Variants in PRKN observed in about 807,000 individuals in gnomAD.
PRKN encodes parkin RBR E3 ubiquitin protein ligase, also known as E3 ubiquitin-protein ligase parkin.
Under a neutral mutation model 59.5 loss-of-function variants are expected in PRKN, and 56 were observed. The observed-to-expected ratio is 0.94, with a 90% CI of 0.76 to 1.18. The LOEUF is 1.18. Among genes scored for constraint, PRKN ranks in the 50% most tolerant of loss-of-function variants. The probability of loss-of-function intolerance (pLI) is 0.00; values close to 1 mark genes in which losing one functional copy is unlikely to be tolerated. For synonymous variants in PRKN, 250 were observed against 222.1 expected (o/e 1.13, Z -1.12); for missense variants, 657 against 596.4 (o/e 1.10, Z -1.06).
At position 162,536,281 on chromosome 6, in the gene PRKN, A is replaced by G. The variant is rs529459551; in HGVS notation, c.8-92808T>C. On this transcript the variant is annotated intron_variant, in intron 1 of 11. Coordinates refer to ENST00000366898, the MANE Select transcript of PRKN (RefSeq NM_004562.3). ...GTTGAAAATCTGTGTTTCTGGATGCATAAAAATGACAAGCAGAAGGTGTTA... is the reference window on the plus strand; with the variant it reads ...GTTGAAAATCTGTGTTTCTGGATGCGTAAAAATGACAAGCAGAAGGTGTTA... Among the ~76,000 whole-genome samples the G allele has an allele frequency of 3.9e-5, 6 of 152,266 alleles. No individual in the cohort carries two copies. The East Asian group carries it at 1.2e-3, about 30-fold the overall frequency.
At chr6:162,615,999 T>C (rs1782392864) in intron 1 of PRKN, among the ~76,000 whole-genome samples, 1 of 152,208 alleles carries the variant, frequency 6.6e-6, no homozygotes, top group Non-Finnish European at 1.5e-5. Context: ...ATTGCCAATT[T>C]GGAAGTAAAA....
At chr6:161,681,883 C>T (rs2128172756) in intron 7 of PRKN, among the ~76,000 whole-genome samples, 1 of 152,352 alleles carries the variant, frequency 6.6e-6, no homozygotes, top group Middle Eastern at 3.4e-3. Context: ...GCCCTTTGTA[C>T]CTGTGCAGAG....
chr6:162,643,734 G>T (rs1001546636), intron 1 of PRKN: 1 of 152,010 alleles, frequency 6.6e-6, no homozygotes, highest in Non-Finnish European at 1.5e-5. Flanking sequence ...AATATACAAT[G>T]TATTTTTATC....
chr6:161,845,984 G>A (rs1282139902), intron 6 of PRKN, among the ~76,000 whole-genome samples: 4 of 152,184 alleles, frequency 2.6e-5, no homozygotes, highest in African/African-American at 9.6e-5. Flanking sequence ...AGAGGAAAAC[G>A]GGGAGAGATT....
chr6:162,449,674 ATTCT>A (rs1208140884), intron 1 of PRKN, among the ~76,000 whole-genome samples: 1 of 152,104 alleles, frequency 6.6e-6, no homozygotes, highest in African/African-American at 2.4e-5. Context: ...TTGTTTCATA[ATTCT>A]TTATTTCTGT....
chr6:162,034,198 G>T (rs1022158551), intron 5 of PRKN, among the ~76,000 whole-genome samples: 53 of 150,964 alleles, frequency 3.5e-4, no homozygotes, highest in East Asian at 9.8e-4. Context: ...GAGAGAGAGA[G>T]AGAGAGAGAG....
intron 1 of PRKN, among the ~76,000 whole-genome samples, chr6:162,595,148 T>C (rs1480756525): frequency 1.3e-5 from 2 of 152,162 alleles, no homozygotes; most frequent in South Asian, 2.1e-4. Context: ...CACTCCAGCC[T>C]GGGTAACAGA....
intron 1 of PRKN, among the ~76,000 whole-genome samples, chr6:162,598,854 A>AG (rs1196338645): frequency 4.0e-4 from 9 of 22,490 alleles, no homozygotes; most frequent in Admixed American, 3.1e-3. Context: ...TTCTGTCACC[A>AG]AAAAAAAAAA....
chr6:161,417,824 TC>T lies in PRKN; in HGVS notation c.1084-30948del, dbSNP rs1343447901. ...TTTGTAAATCAACAGTGTCTAATAA[TC>T]CCCCAAGGACAGGGCCCTAGGCAAA... is the stretch of plus-strand genomic sequence containing the variant. On this transcript the variant is annotated intron_variant, in intron 9 of 11. Transcript: ENST00000366898. The surrounding 1 kb of genome is among the most constrained non-coding windows in gnomAD (Gnocchi z 5.4). Among the ~76,000 whole-genome samples, 1 of 152,088 alleles carries T rather than the reference TC, an allele frequency of 6.6e-6. No homozygotes were observed. The highest frequency in any genetic ancestry group is 1.9e-4 in the East Asian group (1 of 5,180).
chr6:162,627,677 T>C (rs1288819813), intron 1 of PRKN, among the ~76,000 whole-genome samples: 3 of 152,082 alleles, frequency 2.0e-5, no homozygotes, highest in Non-Finnish European at 2.9e-5. Flanking sequence ...CCATACACAA[T>C]GGTGTGGCGA....
At chr6:161,513,459 C>G (rs370028659) in intron 9 of PRKN, among the ~76,000 whole-genome samples, 986 of 65,538 alleles carry the variant, frequency 0.015, 12 homozygotes, top group African/African-American at 0.061. Flanking sequence ...CCAGGATGGT[C>G]TCGATCTCCT....
chr6:161,524,288 C>T lies in PRKN; in HGVS notation c.1083+24566G>A, dbSNP rs529046372. Among the ~76,000 whole-genome samples, 20 of 152,156 alleles carry T rather than the reference C, an allele frequency of 1.3e-4. 1 individual carries two copies. In the South Asian group the frequency reaches 4.2e-3, roughly 32 times the overall value. On this transcript the variant is annotated intron_variant, in intron 9 of 11. Transcript: ENST00000366898. ...GCAGAAGTGCTCTGAATGAAATGCT[C>T]CCAAATAGAAAAAAATTGTTTTGTG...
chr6:162,568,529 C>G (rs1041723642), intron 1 of PRKN: 7 of 740,222 alleles, frequency 9.5e-6, no homozygotes, highest in African/African-American at 5.2e-5. Flanking sequence ...TGCTGAGCCT[C>G]CTTAACCTGG....
At chr6:162,445,934 C>T (rs1790297506) in intron 1 of PRKN, among the ~76,000 whole-genome samples, 1 of 151,914 alleles carries the variant, frequency 6.6e-6, no homozygotes, top group African/African-American at 2.4e-5. Flanking sequence ...GTCCAGATGG[C>T]ACCACAAGAA....
At position 162,377,797 on chromosome 6, in the gene PRKN, C is replaced by T. The variant is rs147311171; in HGVS notation, c.171+65513G>A. Among the ~76,000 whole-genome samples the T allele has an allele frequency of 5.8e-3, 879 of 152,274 alleles. 5 individuals carry two copies. The highest frequency in any genetic ancestry group is 8.6e-3 in the Non-Finnish European group (585 of 68,018). On this transcript the variant is annotated intron_variant, in intron 2 of 11. Coordinates refer to ENST00000366898, the MANE Select transcript of PRKN (RefSeq NM_004562.3). ...GAGATTAGCAACCCAAAGCAATACCCCAGCAGGTATTAGAGTTGACCATTG... is the reference window on the plus strand; with the variant it reads ...GAGATTAGCAACCCAAAGCAATACCTCAGCAGGTATTAGAGTTGACCATTG...
intron 3 of PRKN, among the ~76,000 whole-genome samples, chr6:162,252,072 A>T (rs1346629685): frequency 2.0e-5 from 3 of 152,218 alleles, no homozygotes; most frequent in Non-Finnish European, 2.9e-5. Flanking sequence ...AGTTTAAAGT[A>T]AGAAAAGTCT....
chr6:161,597,768 C>T (rs1781966868), intron 7 of PRKN, among the ~76,000 whole-genome samples: 1 of 152,148 alleles, frequency 6.6e-6, no homozygotes, highest in Non-Finnish European at 1.5e-5. Flanking sequence ...GAGATTAGTG[C>T]ATGAGGTACT....
intron 1 of PRKN, among the ~76,000 whole-genome samples, chr6:162,473,735 T>TC (rs1791870497): frequency 6.6e-6 from 1 of 152,102 alleles, no homozygotes; most frequent in Non-Finnish European, 1.5e-5. Context: ...TGTCCATATG[T>TC]GGCTAACGGC....
At chr6:161,841,115 A>C (rs955522723) in intron 6 of PRKN, among the ~76,000 whole-genome samples, 6 of 152,222 alleles carry the variant, frequency 3.9e-5, no homozygotes, top group African/African-American at 1.4e-4. Context: ...AGACACATGC[A>C]TATGTTTGTT....
Sources: gnomAD v4.1 joint callset for allele counts (sites outside exome capture counted in the v4.1 genomes callset) on GRCh38, gnomAD v4.1.1 for gene constraint, Gnocchi (gnomAD v3.1) non-coding constraint, MANE v1.5 for transcripts, NCBI Gene and HGNC (gene_info 2026-07-23, HGNC 2026-07-21) for gene names.